The following TSPAN15 variants were observed in gnomAD, a reference collection of about 807,000 sequenced individuals.
TSPAN15 encodes tetraspanin 15.
Under a neutral mutation model 34.5 loss-of-function variants are expected in TSPAN15, and 20 were observed. The ratio of observed to expected loss-of-function variants is 0.58; its 90% CI spans 0.41 to 0.84. The LOEUF is 0.84. Ranked by LOEUF, TSPAN15 falls within the 40% of genes least tolerant of loss-of-function variation. TSPAN15 has a pLI of 0.00. For missense variants in TSPAN15, 313 were observed against 386.1 expected (o/e 0.81, Z 1.59); for synonymous variants, 155 against 153.9 (o/e 1.01, Z -0.05).
downstream of TSPAN15, among the ~76,000 whole-genome samples, chr10:69,509,918 G>C (rs1223615466): frequency 6.6e-6 from 1 of 152,144 alleles, no homozygotes; most frequent in African/African-American, 2.4e-5. Flanking sequence ...TGAGGCCTCT[G>C]TTCTGTTCTA....
the TSPAN15 span, among the ~76,000 whole-genome samples, chr10:69,527,879 G>A: frequency 1.2e-3 from 176 of 147,766 alleles, 14 homozygotes; most frequent in Non-Finnish European, 2.1e-3. Flanking sequence ...ATATGGAGCT[G>A]CTTTTTGAGG....
At chr10:69,526,182 A>G in the TSPAN15 span, among the ~76,000 whole-genome samples, 1 of 147,660 alleles carries the variant, frequency 6.8e-6, no homozygotes, top group African/African-American at 2.5e-5. Context: ...GGTGAGTATA[A>G]TGTGCAACTC....
At position 69,506,425 on chromosome 10, in the gene TSPAN15, G is replaced by A. The variant is rs551147997; in HGVS notation, c.735+185G>A. The A allele has an allele frequency of 2.3e-4, 141 of 611,500 alleles. 1 individual carries two copies. The highest frequency in any genetic ancestry group is 1.9e-3 in the South Asian group (96 of 50,904). 37.9% of individuals were successfully genotyped at this position (611,500 alleles called of 1,614,324 possible). A position where few individuals can be genotyped will look rare whatever the true frequency, so the allele number is the denominator to read the frequency against. On this transcript the variant is annotated intron_variant, in intron 7 of 7. Coordinates refer to ENST00000373290, the MANE Select transcript of TSPAN15 (RefSeq NM_012339.5). This position sits in a 1 kb window ranked among gnomAD's most constrained non-coding sequence, Gnocchi z 4.7. ...GTGGCGAAGCTCTTCCAAGTGCTGC[G>A]CAGGCACTGCTGCTTCACTTCTTTT...
rs1841281370 is a variant in TSPAN15 at position 69,462,170 on chromosome 10, T to TTTG, written c.96+10482_96+10483insGTT. ...TAATTTTAAAGTTTTTTTTTTTTTT[T>TTTG]TTTTTTTTTTTGTAGAAATAGTGTC... On this transcript the variant is annotated intron_variant, in intron 1 of 7. Coordinates refer to ENST00000373290, the MANE Select transcript of TSPAN15 (RefSeq NM_012339.5). Among the ~76,000 whole-genome samples the TTTG allele has an allele frequency of 4.8e-5, 7 of 145,172 alleles. No homozygotes were observed. In the South Asian group the frequency reaches 1.3e-3, roughly 28 times the overall value.
In TSPAN15 at chr10:69,506,204, C is replaced by G; in HGVS notation, c.699C>G (p.Ile233Met). Residue 233 changes from isoleucine (I) to methionine (M), a missense_variant, in exon 7 of 8, where the codon ATC becomes ATG. Transcript: ENST00000373290. The surrounding 1 kb of genome is among the most constrained non-coding windows in gnomAD (Gnocchi z 4.7). ...TCTGGTTCATGGACAACTACACCAT[C>G]ATGGCGGGCATCCTCCTGGGCATCC... is the stretch of plus-strand genomic sequence containing the variant. ...VIIWFMDNYT[I>M]MAGILLGILL... 6.2e-7 allele frequency: 1 copy of G among 1,614,240 alleles called. No homozygotes were observed.
chr10:69,472,145 G>A (rs1216308630), intron 1 of TSPAN15, among the ~76,000 whole-genome samples: 2 of 152,056 alleles, frequency 1.3e-5, no homozygotes, highest in African/African-American at 4.8e-5. Flanking sequence ...CATGAGACCT[G>A]GCCTTGGTGC....
intron 3 of TSPAN15, 56 bp downstream of exon 3, chr10:69,485,271 G>GCT: frequency 3.3e-6 from 5 of 1,519,748 alleles, no homozygotes; most frequent in Non-Finnish European, 4.6e-6. Flanking sequence ...CACTGTGGGT[G>GCT]CCTTGGGCTA....
At chr10:69,452,067 G>C (rs1202539147) in intron 1 of TSPAN15, among the ~76,000 whole-genome samples, 1 of 152,268 alleles carries the variant, frequency 6.6e-6, no homozygotes, top group Non-Finnish European at 1.5e-5. Context: ...AGCTTAAGTA[G>C]TTAGGATTTG....
At chr10:69,530,812 C>CTA in the TSPAN15 span, among the ~76,000 whole-genome samples, 2 of 66,714 alleles carry the variant, frequency 3.0e-5, no homozygotes, top group African/African-American at 5.8e-5. Flanking sequence ...CTCTCTCTCT[C>CTA]TCTCTCTCTA....
the TSPAN15 span, among the ~76,000 whole-genome samples, chr10:69,526,265 A>T: frequency 6.8e-6 from 1 of 147,996 alleles, no homozygotes. Flanking sequence ...AACTAATTTT[A>T]AAAATATCGC....
At chr10:69,476,139 T>C (rs1841609656) in intron 1 of TSPAN15, among the ~76,000 whole-genome samples, 1 of 151,984 alleles carries the variant, frequency 6.6e-6, no homozygotes, top group South Asian at 2.1e-4. Context: ...GTATGGAAGA[T>C]TCGAGATCTA....
rs56064605 is a variant in TSPAN15 at position 69,463,808 on chromosome 10, C to CAAAAA, written c.96+12130_96+12134dup. 6.0e-4 allele frequency among the ~76,000 whole-genome samples: 70 copies of CAAAAA among 116,954 alleles called. 2 individuals carry two copies. The highest frequency in any genetic ancestry group is 8.2e-4 in the Non-Finnish European group (46 of 56,068). 76.7% of individuals were successfully genotyped at this position (116,954 alleles called of 152,430 possible). The stretch of plus-strand genomic sequence containing the variant: ...TGGGCATCAGAGTGAGACTCCGTCT[C>CAAAAA]AAAAAAAAAAAAAAAAGTATGAAGG... On this transcript the variant is annotated intron_variant, in intron 1 of 7. Transcript: ENST00000373290.
At chr10:69,456,626 C>G (rs1423441984) in intron 1 of TSPAN15, among the ~76,000 whole-genome samples, 1 of 152,054 alleles carries the variant, frequency 6.6e-6, no homozygotes, top group East Asian at 1.9e-4. Flanking sequence ...ATACTAAATC[C>G]TAGCTGGATG....
chr10:69,486,062 T>C (rs1364161682), intron 3 of TSPAN15, among the ~76,000 whole-genome samples: 1 of 152,180 alleles, frequency 6.6e-6, no homozygotes, highest in Non-Finnish European at 1.5e-5. Flanking sequence ...TGTGCCACCT[T>C]GGGCGAGTTA....
intron 1 of TSPAN15, among the ~76,000 whole-genome samples, chr10:69,455,626 C>CTCTCTCTCT (rs1491105874): frequency 2.2e-5 from 1 of 45,102 alleles, no homozygotes; most frequent in African/African-American, 8.1e-5. Flanking sequence ...CTCTCTCTCT[C>CTCTCTCTCT]CCCCCCCCGT....
the TSPAN15 span, among the ~76,000 whole-genome samples, chr10:69,518,863 A>G: frequency 6.6e-6 from 1 of 152,336 alleles, no homozygotes; most frequent in South Asian, 2.1e-4. Flanking sequence ...GGAGGCACCC[A>G]GGCCCTGGGC....
chr10:69,465,702 C>T (rs1051802861), intron 1 of TSPAN15, among the ~76,000 whole-genome samples: 4 of 151,690 alleles, frequency 2.6e-5, no homozygotes, highest in African/African-American at 9.7e-5. Flanking sequence ...TGAAGCCTCT[C>T]TCTCTCGGCA....
chr10:69,519,276 T>C, the TSPAN15 span, among the ~76,000 whole-genome samples: 2 of 152,032 alleles, frequency 1.3e-5, no homozygotes, highest in Admixed American at 6.6e-5. Context: ...AAAAACTATC[T>C]GGCCGTGGTG....
At chr10:69,456,191 G>A (rs1364891640) in intron 1 of TSPAN15, among the ~76,000 whole-genome samples, 1 of 151,578 alleles carries the variant, frequency 6.6e-6, no homozygotes. Flanking sequence ...AGGCTCAAGC[G>A]ATTCTCCTGC....
Sources: allele counts gnomAD v4.1 joint callset (sites outside exome capture counted in the v4.1 genomes callset), GRCh38; gene constraint gnomAD v4.1.1; non-coding constraint Gnocchi (gnomAD v3.1); transcripts MANE v1.5; gene names NCBI Gene and HGNC (gene_info 2026-07-23, HGNC 2026-07-21).